LINGO2: variants seen among roughly 807,000 people sequenced by gnomAD.
The protein encoded by LINGO2 is leucine rich repeat and Ig domain containing 2.
Under a neutral mutation model 30.6 loss-of-function variants are expected in LINGO2, and 14 were observed. The ratio of observed to expected loss-of-function variants is 0.46; its 90% CI spans 0.30 to 0.72. The LOEUF is 0.72. Among genes scored for constraint, LINGO2 ranks in the 30% least tolerant of loss-of-function variants. The pLI, the probability that LINGO2 is intolerant of heterozygous loss-of-function variation, is 0.07. For synonymous variants in LINGO2, 317 were observed against 288.5 expected (o/e 1.10, Z -1.00); for missense variants, 729 against 751.7 (o/e 0.97, Z 0.35).
At chr9:28,323,236 C>T (rs1311219473) in intron 3 of LINGO2, among the ~76,000 whole-genome samples, 1 of 152,124 alleles carries the variant, frequency 6.6e-6, no homozygotes, top group Non-Finnish European at 1.5e-5. Flanking sequence ...TAATGGATTA[C>T]CTATAGCTCT....
At chr9:28,301,186 T>C (rs1824127368) in intron 3 of LINGO2, among the ~76,000 whole-genome samples, 1 of 152,046 alleles carries the variant, frequency 6.6e-6, no homozygotes, top group African/African-American at 2.4e-5. Context: ...ACTAAGGATA[T>C]TACAAACAAC....
At chr9:28,732,283 T>G in the LINGO2 span, among the ~76,000 whole-genome samples, 1 of 152,014 alleles carries the variant, frequency 6.6e-6, no homozygotes, top group East Asian at 1.9e-4. Context: ...AAACTAAAAT[T>G]TTTAGACTTT....
At chr9:28,462,207 C>T (rs906744133) in intron 2 of LINGO2, among the ~76,000 whole-genome samples, 2 of 151,940 alleles carry the variant, frequency 1.3e-5, no homozygotes, top group Admixed American at 6.6e-5. Context: ...GAAGAGAGAA[C>T]AGTCATTTAG....
chr9:28,865,697 T>C, the LINGO2 span, among the ~76,000 whole-genome samples: 7 of 152,140 alleles, frequency 4.6e-5, no homozygotes, highest in African/African-American at 1.4e-4. Flanking sequence ...GACAGGAGAA[T>C]GTCTTTAACC....
chr9:28,873,334 C>T, the LINGO2 span, among the ~76,000 whole-genome samples: 1 of 146,338 alleles, frequency 6.8e-6, no homozygotes, highest in Non-Finnish European at 1.5e-5. Flanking sequence ...CATGCCACTA[C>T]ACCATTGCAC....
At chr9:28,274,432 C>A (rs1241304843) in intron 4 of LINGO2, among the ~76,000 whole-genome samples, 1 of 152,180 alleles carries the variant, frequency 6.6e-6, no homozygotes, top group Non-Finnish European at 1.5e-5. Flanking sequence ...AATTTTCTCA[C>A]TGAATTCATA....
intron 4 of LINGO2, among the ~76,000 whole-genome samples, chr9:28,057,706 C>A (rs574129535): frequency 5.2e-4 from 70 of 135,662 alleles, no homozygotes; most frequent in African/African-American, 1.8e-3. Context: ...GGTAGAAGAT[C>A]AAGAATACGT....
intron 1 of LINGO2, among the ~76,000 whole-genome samples, chr9:28,532,979 C>T (rs967410384): frequency 6.6e-6 from 1 of 151,980 alleles, no homozygotes; most frequent in Non-Finnish European, 1.5e-5. Flanking sequence ...TGGTTAATAC[C>T]GAGTGTCAAC....
chr9:29,041,666 A>C, the LINGO2 span, among the ~76,000 whole-genome samples: 7 of 152,174 alleles, frequency 4.6e-5, no homozygotes, highest in African/African-American at 1.7e-4. Flanking sequence ...AAAATGTGTC[A>C]TGAACTTAGG....
At chr9:28,162,305 G>C (rs1188366266) in intron 4 of LINGO2, among the ~76,000 whole-genome samples, 1 of 152,052 alleles carries the variant, frequency 6.6e-6, no homozygotes, top group Non-Finnish European at 1.5e-5. Flanking sequence ...TTTTAAGTTT[G>C]CTTATTTACA....
the LINGO2 span, among the ~76,000 whole-genome samples, chr9:28,744,103 TA>T: frequency 8.0e-4 from 108 of 134,168 alleles, 1 homozygote; most frequent in African/African-American, 2.6e-3. Context: ...TATATATATA[TA>T]TATATTTTTT....
rs1822309041 is a variant in LINGO2 at position 28,007,177 on chromosome 9, C to A, written c.-36+5178G>T. On this transcript the variant is annotated intron_variant, in intron 5 of 5. Transcript: ENST00000379992. ...CAAACTCAGAGACAGTCATCTAGCCCAACTCCTTAATATAAGAAACAAAGT... is the reference window on the plus strand; with the variant it reads ...CAAACTCAGAGACAGTCATCTAGCCAAACTCCTTAATATAAGAAACAAAGT... 2.0e-5 allele frequency among the ~76,000 whole-genome samples: 3 copies of A among 152,114 alleles called. 1 individual carries two copies. Among genetic ancestry groups the A allele is most frequent in the Admixed American group, 6.6e-5 (1 of 15,254 alleles).
chr9:28,989,328 C>T, the LINGO2 span, among the ~76,000 whole-genome samples: 3 of 152,190 alleles, frequency 2.0e-5, no homozygotes, highest in South Asian at 2.1e-4. Context: ...GTAAAATATT[C>T]TTAATAAAAC....
In LINGO2 at chr9:28,638,767, C is replaced by G. The variant is rs544347423; in HGVS notation, c.-365+31433G>C. Among the ~76,000 whole-genome samples the G allele has an allele frequency of 2.6e-5, 4 of 152,060 alleles. No individual in the cohort carries two copies. The East Asian group carries it at 7.7e-4, about 29-fold the overall frequency. On this transcript the variant is annotated intron_variant, in intron 1 of 5. Coordinates refer to ENST00000379992, the Ensembl canonical transcript of LINGO2. The stretch of plus-strand genomic sequence containing the variant: ...CAATTTTGTTGCTCTTTTCAAAAAA[C>G]CAGCTCCTGGATTCATTGATTTTTT...
the LINGO2 span, among the ~76,000 whole-genome samples, chr9:29,208,957 G>C: frequency 1.3e-5 from 2 of 152,100 alleles, no homozygotes; most frequent in Non-Finnish European, 2.9e-5. Flanking sequence ...TACAGCAACT[G>C]TATCTGTTGA....
the LINGO2 span, among the ~76,000 whole-genome samples, chr9:29,050,400 T>A: frequency 1.3e-5 from 2 of 152,146 alleles, no homozygotes; most frequent in African/African-American, 2.4e-5. Flanking sequence ...CTGCTATGTA[T>A]CCACAAATGT....
chr9:28,421,233 T>C (rs1433253521), intron 2 of LINGO2, among the ~76,000 whole-genome samples: 3 of 151,668 alleles, frequency 2.0e-5, no homozygotes, highest in Non-Finnish European at 4.4e-5. Context: ...CTAATTAAGA[T>C]GAATGACTTG....
chr9:29,203,381 G>T, the LINGO2 span, among the ~76,000 whole-genome samples: 2 of 152,142 alleles, frequency 1.3e-5, no homozygotes, highest in Non-Finnish European at 2.9e-5. Context: ...TCTAAGGCAT[G>T]GGTAAATGAA....
chr9:28,131,167 TA>T (rs761927818), intron 4 of LINGO2, among the ~76,000 whole-genome samples: 1,774 of 139,098 alleles, frequency 0.013, 21 homozygotes, highest in Middle Eastern at 0.015. Context: ...CATTTCATCT[TA>T]AAAAAAAAAA....
Sources: gnomAD v4.1 joint callset for allele counts (sites outside exome capture counted in the v4.1 genomes callset) on GRCh38, gnomAD v4.1.1 for gene constraint, MANE v1.5 for transcripts, NCBI Gene and HGNC (gene_info 2026-07-23, HGNC 2026-07-21) for gene names.